The following MALRD1 variants were observed in gnomAD, a reference collection of about 807,000 sequenced individuals.
MALRD1 encodes the protein MAM and LDL receptor class A domain containing 1.
Under a neutral mutation model 242.1 loss-of-function variants are expected in MALRD1, and 247 were observed. The ratio of observed to expected loss-of-function variants is 1.02; its 90% CI spans 0.92 to 1.13. The LOEUF (loss-of-function observed/expected upper bound fraction) is 1.13. Among genes scored for constraint, MALRD1 ranks in the 50% most tolerant of loss-of-function variants. The pLI, the probability that MALRD1 is intolerant of heterozygous loss-of-function variation, is 0.00. For missense variants in MALRD1, 2,989 were observed against 2,533.1 expected (o/e 1.18, Z -3.86); for synonymous variants, 995 against 866.6 (o/e 1.15, Z -2.60).
intron 10 of MALRD1, among the ~76,000 whole-genome samples, chr10:19,141,231 C>T (rs563235701): frequency 6.6e-5 from 10 of 152,276 alleles, no homozygotes; most frequent in African/African-American, 1.7e-4. Context: ...TTCAGACACA[C>T]GCTACAACAT....
chr10:19,440,805 C>T (rs376134343), intron 28 of MALRD1, among the ~76,000 whole-genome samples: 7 of 152,230 alleles, frequency 4.6e-5, no homozygotes, highest in Admixed American at 6.5e-5. Context: ...AATAAACATA[C>T]GTGTGCATGT....
chr10:19,475,745 T>C (rs1357124828), intron 29 of MALRD1, among the ~76,000 whole-genome samples: 1 of 152,344 alleles, frequency 6.6e-6, no homozygotes, highest in South Asian at 2.1e-4. Context: ...TGCACATAAA[T>C]TGAACATTAT....
chr10:19,083,207 T>C (rs1272669044), intron 2 of MALRD1, among the ~76,000 whole-genome samples: 1 of 152,016 alleles, frequency 6.6e-6, no homozygotes, highest in African/African-American at 2.4e-5. Context: ...TAAATCTCTA[T>C]GTTTTGCTGA....
chr10:19,387,398 A>G lies in MALRD1; in HGVS notation c.4442-130A>G. The G allele has an allele frequency of 4.7e-6, 5 of 1,074,528 alleles. No individual in the cohort carries two copies. In the South Asian group the frequency reaches 6.9e-5, roughly 15 times the overall value. 66.6% of individuals were successfully genotyped at this position (1,074,528 alleles called of 1,614,324 possible). ...AGTGGGAGAGAGAGAGATGGGGTTC[A>G]GGTACCTCAAATTCCTAAGAACAAT... is the stretch of plus-strand genomic sequence containing the variant. On this transcript the variant is annotated intron_variant, in intron 26 of 39. Coordinates refer to ENST00000454679, the MANE Select transcript of MALRD1 (RefSeq NM_001142308.3).
chr10:19,150,252 G>A (rs1405336617), intron 11 of MALRD1, among the ~76,000 whole-genome samples: 3 of 151,880 alleles, frequency 2.0e-5, no homozygotes, highest in Admixed American at 2.0e-4. Flanking sequence ...TTTGCACTCT[G>A]GTTGGTGATA....
chr10:19,607,249 C>G (rs963093863), intron 34 of MALRD1, among the ~76,000 whole-genome samples: 1 of 152,140 alleles, frequency 6.6e-6, no homozygotes, highest in East Asian at 1.9e-4. Context: ...GAAAATAACA[C>G]CCACTGGATA....
At chr10:19,177,672 G>T (rs755786735) in intron 14 of MALRD1, among the ~76,000 whole-genome samples, 7 of 152,118 alleles carry the variant, frequency 4.6e-5, no homozygotes, top group Non-Finnish European at 8.8e-5. Context: ...TTGTTTTTCA[G>T]CCCCTTTTCC....
intron 4 of MALRD1, among the ~76,000 whole-genome samples, chr10:19,102,038 T>G (rs984922217): frequency 1.5e-5 from 2 of 132,010 alleles, no homozygotes; most frequent in Non-Finnish European, 3.1e-5. Context: ...TAAACTATAT[T>G]TAATTATAAT....
chr10:19,621,026 A>G lies in MALRD1; in HGVS notation c.6137+5103A>G, dbSNP rs77888270. ...AAAAAAAAAGTCATCTATTAAAGTAATTCCATTTTACTACAATGACAGAAG... is the reference window on the plus strand; with the variant it reads ...AAAAAAAAAGTCATCTATTAAAGTAGTTCCATTTTACTACAATGACAGAAG... On this transcript the variant is annotated intron_variant, in intron 36 of 39. Transcript: ENST00000454679. Among the ~76,000 whole-genome samples the G allele has an allele frequency of 4.6e-3, 694 of 151,910 alleles. 4 individuals carry two copies. The highest frequency in any genetic ancestry group is 7.5e-3 in the Non-Finnish European group (512 of 67,854).
At chr10:19,693,196 T>C (rs1833190030) in intron 38 of MALRD1, among the ~76,000 whole-genome samples, 1 of 151,750 alleles carries the variant, frequency 6.6e-6, no homozygotes, top group Non-Finnish European at 1.5e-5. Context: ...ACCACTCCTA[T>C]TCAACATAGT....
chr10:19,107,158 C>T (rs994846179), intron 5 of MALRD1, among the ~76,000 whole-genome samples: 1 of 151,806 alleles, frequency 6.6e-6, no homozygotes, highest in African/African-American at 2.4e-5. Flanking sequence ...ATCTAGAGTT[C>T]GGTTTAAATA....
At chr10:19,346,643 C>T (rs538013905) in intron 24 of MALRD1, among the ~76,000 whole-genome samples, 36 of 152,038 alleles carry the variant, frequency 2.4e-4, no homozygotes, top group South Asian at 1.5e-3. Context: ...AAATTACTCA[C>T]TCATTGGTTT....
intron 34 of MALRD1, among the ~76,000 whole-genome samples, chr10:19,602,625 T>C (rs1838413506): frequency 6.6e-6 from 1 of 152,082 alleles, no homozygotes; most frequent in African/African-American, 2.4e-5. Context: ...TTCCAAGTCT[T>C]TGCTATTGTG....
At chr10:19,175,403 A>G (rs1293032886) in intron 14 of MALRD1, 75 bp downstream of exon 14, 2 of 1,134,330 alleles carry the variant, frequency 1.8e-6, no homozygotes, top group East Asian at 3.8e-5. Context: ...TATAAAATGT[A>G]TTAGAGTCAC....
chr10:19,614,971 C>T (rs1839074011), intron 35 of MALRD1, among the ~76,000 whole-genome samples: 1 of 151,988 alleles, frequency 6.6e-6, no homozygotes, highest in Non-Finnish European at 1.5e-5. Flanking sequence ...CAGACACATT[C>T]TAAATAAGTA....
intron 21 of MALRD1, among the ~76,000 whole-genome samples, chr10:19,309,863 G>T (rs1842357137): frequency 6.6e-6 from 1 of 151,412 alleles, no homozygotes; most frequent in Non-Finnish European, 1.5e-5. Context: ...AATTTAATCA[G>T]AGACTTTACT....
chr10:19,530,385 T>TTTCTATAA (rs1564417186), intron 31 of MALRD1, among the ~76,000 whole-genome samples: 1 of 85,284 alleles, frequency 1.2e-5, no homozygotes. Flanking sequence ...ATAAATATTA[T>TTTCTATAA]ATATTTATAT....
chr10:19,120,845 C>A (rs953804380), intron 5 of MALRD1, among the ~76,000 whole-genome samples: 1 of 152,028 alleles, frequency 6.6e-6, no homozygotes, highest in Non-Finnish European at 1.5e-5. Context: ...CCGGGTTCAA[C>A]TGATTCTCCT....
At chr10:19,499,068 GAAGTACAGGAGCCAAAGTGTAAAATGGT>G (rs1266863295) in intron 31 of MALRD1, among the ~76,000 whole-genome samples, 4 of 152,132 alleles carry the variant, frequency 2.6e-5, no homozygotes, top group Admixed American at 2.0e-4. Context: ...CCATCATTTT[GAAGTACAGGAGCCAAAGTGTAAAATGGT>G]AAGTGGTGAT....
Sources: allele counts gnomAD v4.1 joint callset (sites outside exome capture counted in the v4.1 genomes callset), GRCh38; gene constraint gnomAD v4.1.1; transcripts MANE v1.5; gene names NCBI Gene and HGNC (gene_info 2026-07-23, HGNC 2026-07-21).